SLC35F4: variants seen among roughly 807,000 people sequenced by gnomAD.
The protein encoded by SLC35F4 is chromosome 14 open reading frame 36.
A neutral mutation model predicts 44.2 loss-of-function variants in SLC35F4; 24 were observed. The observed-to-expected ratio is 0.54, with a 90% CI of 0.39 to 0.76. SLC35F4 has a LOEUF of 0.76. SLC35F4 is among the 30% of genes least tolerant of loss of function. The probability of loss-of-function intolerance (pLI) is 0.00; values close to 1 mark genes in which losing one functional copy is unlikely to be tolerated. For synonymous variants in SLC35F4, 238 were observed against 223.6 expected (o/e 1.06, Z -0.57); for missense variants, 562 against 586.1 (o/e 0.96, Z 0.42).
intron 6 of SLC35F4, among the ~76,000 whole-genome samples, chr14:57,568,513 G>T (rs1296668306): frequency 1.3e-5 from 2 of 152,134 alleles, no homozygotes; most frequent in African/African-American, 2.4e-5. Context: ...GCTTAGCAGA[G>T]GTTATGAGAG....
intron 1 of SLC35F4, among the ~76,000 whole-genome samples, chr14:57,697,007 A>T (rs2075403477): frequency 6.6e-6 from 1 of 152,206 alleles, no homozygotes; most frequent in East Asian, 1.9e-4. Context: ...TGATAGGTGC[A>T]GCAAACTACC....
chr14:57,965,390 C>A (rs1167759480), intron 1 of SLC35F4, among the ~76,000 whole-genome samples: 2 of 152,240 alleles, frequency 1.3e-5, no homozygotes, highest in East Asian at 3.9e-4. Flanking sequence ...TGGGCCCACC[C>A]ACCCAGATAA....
chr14:57,826,092 C>T (rs1250099946), intron 1 of SLC35F4, among the ~76,000 whole-genome samples: 2 of 152,186 alleles, frequency 1.3e-5, no homozygotes, highest in Non-Finnish European at 2.9e-5. Flanking sequence ...CTGGAGGCAT[C>T]ATGCTACCTG....
At chr14:57,849,388 T>C (rs932989398) in intron 1 of SLC35F4, among the ~76,000 whole-genome samples, 1 of 152,044 alleles carries the variant, frequency 6.6e-6, no homozygotes, top group Admixed American at 6.6e-5. Flanking sequence ...TCTCGTACTC[T>C]CGACCTCAGG....
chr14:57,675,558 T>C (rs559926840), intron 1 of SLC35F4, among the ~76,000 whole-genome samples: 2 of 152,174 alleles, frequency 1.3e-5, no homozygotes, highest in Non-Finnish European at 2.9e-5. Context: ...ATGTTGACTA[T>C]AAGTGGTGAA....
At chr14:57,965,234 C>T (rs1890416702) in intron 1 of SLC35F4, among the ~76,000 whole-genome samples, 1 of 152,108 alleles carries the variant, frequency 6.6e-6, no homozygotes, top group Admixed American at 6.6e-5. Flanking sequence ...CTTGCCTTTT[C>T]CAGCAGCCAG....
At chr14:57,706,558 A>G (rs1286146774) in intron 1 of SLC35F4, among the ~76,000 whole-genome samples, 4 of 152,210 alleles carry the variant, frequency 2.6e-5, no homozygotes, top group African/African-American at 9.6e-5. Context: ...GAAGAAATTC[A>G]GATGCTATTT....
At chr14:57,790,041 C>T (rs1413166232) in intron 1 of SLC35F4, among the ~76,000 whole-genome samples, 1 of 152,180 alleles carries the variant, frequency 6.6e-6, no homozygotes, top group Admixed American at 6.5e-5. Flanking sequence ...CAATATCATA[C>T]TGAATGGGCA....
chr14:57,833,284 A>G (rs2140941334), intron 1 of SLC35F4, among the ~76,000 whole-genome samples: 1 of 152,334 alleles, frequency 6.6e-6, no homozygotes, highest in Non-Finnish European at 1.5e-5. Context: ...ACATCCTGTG[A>G]CATTAAATGA....
chr14:57,587,914 G>T (rs1368610550), intron 3 of SLC35F4, among the ~76,000 whole-genome samples: 1 of 148,796 alleles, frequency 6.7e-6, no homozygotes, highest in Admixed American at 6.7e-5. Flanking sequence ...GGCCAGGCAC[G>T]CTGGCTCACG....
chr14:57,575,987 C>CT (rs77706039), intron 4 of SLC35F4, among the ~76,000 whole-genome samples: 31,448 of 148,738 alleles, frequency 0.21, 3,643 homozygotes, highest in Admixed American at 0.33. Context: ...TTTCTTGTAT[C>CT]TTTTTTTTTT....
chr14:57,715,788 T>C (rs1279101328), intron 1 of SLC35F4, among the ~76,000 whole-genome samples: 1 of 152,122 alleles, frequency 6.6e-6, no homozygotes, highest in East Asian at 1.9e-4. Flanking sequence ...TTTCAGACAA[T>C]AGGAGAGTTA....
chr14:57,670,012 G>A (rs1442858667), intron 1 of SLC35F4, among the ~76,000 whole-genome samples: 1 of 152,098 alleles, frequency 6.6e-6, no homozygotes, highest in East Asian at 1.9e-4. Context: ...TTCAGAGCCT[G>A]TTATTGGTCT....
chr14:57,615,634 G>T (rs1391976066), intron 1 of SLC35F4, among the ~76,000 whole-genome samples: 1 of 150,642 alleles, frequency 6.6e-6, no homozygotes, highest in Admixed American at 6.6e-5. Flanking sequence ...AAAAAATACT[G>T]CTCATAATCT....
chr14:57,964,991 A>ATATATAT (rs1279192848), intron 1 of SLC35F4, among the ~76,000 whole-genome samples: 11 of 115,668 alleles, frequency 9.5e-5, no homozygotes, highest in African/African-American at 3.7e-4. Flanking sequence ...AAAAAAAAAA[A>ATATATAT]ATATATATAT....
chr14:57,807,314 G>A (rs1010165416), intron 1 of SLC35F4, among the ~76,000 whole-genome samples: 12 of 149,402 alleles, frequency 8.0e-5, no homozygotes, highest in African/African-American at 2.8e-4. Flanking sequence ...GCCCCAGCTG[G>A]TGCTACCTAG....
At chr14:57,903,180 G>C (rs1338577623) in intron 1 of SLC35F4, among the ~76,000 whole-genome samples, 1 of 152,110 alleles carries the variant, frequency 6.6e-6, no homozygotes, top group South Asian at 2.1e-4. Context: ...TGGTTTTGTA[G>C]TAGGGAAGAG....
chr14:57,942,812 TG>T (rs1889938233), intron 1 of SLC35F4, among the ~76,000 whole-genome samples: 1 of 152,246 alleles, frequency 6.6e-6, no homozygotes, highest in Non-Finnish European at 1.5e-5. Flanking sequence ...GGTAGGGTTT[TG>T]TCATTTACCA....
chr14:57,831,756 T>A (rs1884393506), intron 1 of SLC35F4, among the ~76,000 whole-genome samples: 1 of 152,160 alleles, frequency 6.6e-6, no homozygotes, highest in African/African-American at 2.4e-5. Context: ...AATAACACCT[T>A]TGCAAAACAG....
Sources: gnomAD v4.1 joint callset for allele counts (sites outside exome capture counted in the v4.1 genomes callset) on GRCh38, gnomAD v4.1.1 for gene constraint, MANE v1.5 for transcripts, NCBI Gene and HGNC (gene_info 2026-07-23, HGNC 2026-07-21) for gene names.